The following ANK2 variants were observed in gnomAD, a reference collection of about 807,000 sequenced individuals.
The protein encoded by ANK2 is ankyrin 2.
Under a neutral mutation model 360.5 loss-of-function variants are expected in ANK2, and 83 were observed. The observed-to-expected ratio is 0.23, with a 90% confidence interval of 0.19 to 0.28. ANK2 has a LOEUF of 0.28. Among genes scored for constraint, ANK2 ranks in the 10% least tolerant of loss-of-function variants. The probability of loss-of-function intolerance (pLI) is 1.00; values close to 1 mark genes in which losing one functional copy is unlikely to be tolerated. For missense variants in ANK2, 4,201 were observed against 4,795.7 expected (o/e 0.88, Z 3.66); for synonymous variants, 1,740 against 1,759.5 (o/e 0.99, Z 0.28).
chr4:113,229,100 C>T (rs2099260261), intron 4 of ANK2, among the ~76,000 whole-genome samples: 2 of 152,222 alleles, frequency 1.3e-5, no homozygotes, highest in South Asian at 4.1e-4. Flanking sequence ...TTTTTACCTT[C>T]CCTAGCAAAC....
chr4:112,999,329 CTTAT>C (rs934785360), intron 2 of ANK2, among the ~76,000 whole-genome samples: 1 of 152,056 alleles, frequency 6.6e-6, no homozygotes, highest in Admixed American at 6.5e-5. Flanking sequence ...GATATATTAT[CTTAT>C]TTGAGTCTCA....
intron 8 of ANK2, 30 bp from the exon 9 acceptor site, chr4:113,242,081 C>A: frequency 6.3e-7 from 1 of 1,576,740 alleles, no homozygotes; most frequent in African/African-American, 1.3e-5. Context: ...TCATACCCAA[C>A]AGCTCTTGTT....
At chr4:112,807,529 AGG>A in the ANK2 span, among the ~76,000 whole-genome samples, 7 of 152,322 alleles carry the variant, frequency 4.6e-5, no homozygotes, top group African/African-American at 1.7e-4. Flanking sequence ...GTTTTTAGAA[AGG>A]GGGTAAAATT....
chr4:113,337,848 T>C (rs2093749762), intron 31 of ANK2, among the ~76,000 whole-genome samples: 1 of 152,138 alleles, frequency 6.6e-6, no homozygotes, highest in Non-Finnish European at 1.5e-5. Flanking sequence ...CCCGTAGATA[T>C]ATGATTAACC....
intron 13 of ANK2, among the ~76,000 whole-genome samples, chr4:113,259,609 A>G (rs2051442102): frequency 6.6e-6 from 1 of 152,104 alleles, no homozygotes; most frequent in Non-Finnish European, 1.5e-5. Flanking sequence ...GAAGAATTTA[A>G]AGTCTATATT....
chr4:112,804,414 T>C, the ANK2 span, among the ~76,000 whole-genome samples: 1 of 152,150 alleles, frequency 6.6e-6, no homozygotes, highest in Admixed American at 6.6e-5. Context: ...TGAATGAGTG[T>C]ATGAAGGGAC....
intron 2 of ANK2, among the ~76,000 whole-genome samples, chr4:113,180,674 A>T (rs1396148332): frequency 3.3e-5 from 5 of 152,220 alleles, no homozygotes; most frequent in Non-Finnish European, 7.3e-5. Flanking sequence ...CTCTTTAAAA[A>T]TACTAAAAAC....
chr4:113,061,772 A>G lies in ANK2; in HGVS notation c.84+11960A>G, dbSNP rs994244509. On this transcript the variant is annotated intron_variant, in intron 1 of 45. Coordinates refer to ENST00000357077, the MANE Select transcript of ANK2 (RefSeq NM_001148.6). ...AAAAAAATAATTAAAAAGAATGAAT[A>G]GGATGTAGTATTAGCTAGTAAAACA... 9.2e-5 allele frequency among the ~76,000 whole-genome samples: 14 copies of G among 152,276 alleles called. 2 individuals are homozygous for G. The South Asian group carries it at 2.5e-3, about 27-fold the overall frequency.
intron 2 of ANK2, among the ~76,000 whole-genome samples, chr4:112,920,613 T>C (rs1004135144): frequency 3.3e-5 from 5 of 152,228 alleles, no homozygotes; most frequent in South Asian, 2.1e-4. Flanking sequence ...AAATTGAACA[T>C]TAATATTTTA....
intron 4 of ANK2, among the ~76,000 whole-genome samples, chr4:113,215,136 G>A (rs970023513): frequency 6.6e-6 from 1 of 152,086 alleles, no homozygotes; most frequent in Non-Finnish European, 1.5e-5. Context: ...ACATGGGAGA[G>A]CAAAATAAAG....
At chr4:112,997,564 C>A (rs2049014315) in intron 2 of ANK2, among the ~76,000 whole-genome samples, 2 of 152,080 alleles carry the variant, frequency 1.3e-5, no homozygotes, top group African/African-American at 2.4e-5. Context: ...CATTTCTAGT[C>A]AAACACCTAA....
the ANK2 span, among the ~76,000 whole-genome samples, chr4:112,728,520 G>A: frequency 6.6e-6 from 1 of 151,906 alleles, no homozygotes; most frequent in Non-Finnish European, 1.5e-5. Context: ...GGAAGCTAAG[G>A]TAGGATGATC....
At chr4:113,137,852 A>C (rs1003562177) in intron 1 of ANK2, among the ~76,000 whole-genome samples, 1 of 152,216 alleles carries the variant, frequency 6.6e-6, no homozygotes, top group Admixed American at 6.5e-5. Flanking sequence ...ATTTATTTCT[A>C]GCAGCATGTA....
At chr4:113,084,976 T>C (rs1306022265) in intron 1 of ANK2, among the ~76,000 whole-genome samples, 2 of 152,202 alleles carry the variant, frequency 1.3e-5, no homozygotes, top group Admixed American at 1.3e-4. Context: ...TTAAAATTCT[T>C]TGGGTTGTTA....
At chr4:113,273,530 A>T (rs2059229242) in intron 14 of ANK2, among the ~76,000 whole-genome samples, 1 of 152,066 alleles carries the variant, frequency 6.6e-6, no homozygotes, top group African/African-American at 2.4e-5. Flanking sequence ...TCCTCTATAT[A>T]CTTTTCTCCA....
chr4:112,998,961 A>G (rs1235783857), intron 2 of ANK2, among the ~76,000 whole-genome samples: 2 of 152,198 alleles, frequency 1.3e-5, no homozygotes, highest in African/African-American at 2.4e-5. Flanking sequence ...AAAAATAACT[A>G]TATAACAAAG....
the ANK2 span, among the ~76,000 whole-genome samples, chr4:112,770,836 T>C: frequency 6.6e-6 from 1 of 152,226 alleles, no homozygotes; most frequent in African/African-American, 2.4e-5. Flanking sequence ...ATTTCTTACT[T>C]TCCCGCCCCA....
chr4:113,197,524 G>C (rs2098765965), intron 3 of ANK2, among the ~76,000 whole-genome samples: 2 of 152,334 alleles, frequency 1.3e-5, no homozygotes, highest in South Asian at 2.1e-4. Context: ...AAGATGTAGA[G>C]AGAGAAGTCA....
rs750352813 is a variant in ANK2, at chr4:113,354,080, G to A, written c.5462G>A (p.Gly1821Glu). 2 of 1,613,894 alleles carry A rather than the reference G, an allele frequency of 1.2e-6. No homozygotes were observed. Among genetic ancestry groups the A allele is most frequent in the South Asian group, 2.2e-5 (2 of 91,052 alleles). The change falls in exon 38 of 46, where the codon GGG becomes GAG. Residue 1821 changes from glycine to glutamate, a missense_variant. Coordinates refer to ENST00000357077, the MANE Select transcript of ANK2 (RefSeq NM_001148.6). ...CTGAAGTCAGAGAGACATGCGCCAGGGTCTCCCTCCCCTAAAACAGAAAGA... is the reference window on the plus strand; with the variant it reads ...CTGAAGTCAGAGAGACATGCGCCAGAGTCTCCCTCCCCTAAAACAGAAAGA... ...PSLKSERHAP[G>E]SPSPKTERHS...
Sources: allele counts gnomAD v4.1 joint callset (sites outside exome capture counted in the v4.1 genomes callset), GRCh38; gene constraint gnomAD v4.1.1; transcripts MANE v1.5; gene names NCBI Gene and HGNC (gene_info 2026-07-23, HGNC 2026-07-21).